Variants in AUTS2 observed in about 807,000 individuals in gnomAD.
AUTS2 encodes the protein autism susceptibility gene 2 protein.
AUTS2 carries 17 observed loss-of-function variants against 112.4 expected under a neutral mutation model. The ratio of observed to expected loss-of-function variants is 0.15; its 90% CI spans 0.10 to 0.23. The LOEUF (loss-of-function observed/expected upper bound fraction) is 0.23. AUTS2 is among the 10% of genes least tolerant of loss of function. The pLI, the probability that AUTS2 is intolerant of heterozygous loss-of-function variation, is 1.00. For synonymous variants in AUTS2, 751 were observed against 702.7 expected (o/e 1.07, Z -1.09); for missense variants, 1,510 against 1,701.6 (o/e 0.89, Z 1.98).
chr7:70,706,411 T>C (rs1290685949), intron 6 of AUTS2, among the ~76,000 whole-genome samples: 1 of 152,062 alleles, frequency 6.6e-6, no homozygotes, highest in African/African-American at 2.4e-5. Flanking sequence ...AGTAAACTCC[T>C]ACAGGGAGGA....
chr7:70,160,355 C>A (rs917853650), intron 4 of AUTS2, among the ~76,000 whole-genome samples: 2 of 152,120 alleles, frequency 1.3e-5, no homozygotes, highest in African/African-American at 4.8e-5. Flanking sequence ...GATCTTCCTC[C>A]AACGTAAATC....
chr7:70,780,829 AT>A (rs1791021715), intron 14 of AUTS2, among the ~76,000 whole-genome samples: 1 of 152,096 alleles, frequency 6.6e-6, no homozygotes, highest in South Asian at 2.1e-4. Flanking sequence ...ATATTTCTTC[AT>A]AACTTTTGGT....
At chr7:70,001,652 G>C (rs1201659196) in intron 2 of AUTS2, among the ~76,000 whole-genome samples, 1 of 151,802 alleles carries the variant, frequency 6.6e-6, no homozygotes, top group Non-Finnish European at 1.5e-5. Flanking sequence ...ATACCTGCCT[G>C]TCTGCAGAGA....
intron 5 of AUTS2, among the ~76,000 whole-genome samples, chr7:70,577,831 A>T (rs200890250): frequency 1.4e-5 from 2 of 147,060 alleles, no homozygotes; most frequent in South Asian, 2.1e-4. Context: ...TTTTTTCTTT[A>T]TTTTTTTTTT....
At chr7:70,541,743 C>G (rs1800561478) in intron 5 of AUTS2, among the ~76,000 whole-genome samples, 2 of 152,094 alleles carry the variant, frequency 1.3e-5, no homozygotes, top group African/African-American at 4.8e-5. Context: ...GGTGACAGCA[C>G]AAAAGAGGGG....
At chr7:70,663,489 G>A (rs1261522579) in intron 5 of AUTS2, among the ~76,000 whole-genome samples, 1 of 152,098 alleles carries the variant, frequency 6.6e-6, no homozygotes, top group Non-Finnish European at 1.5e-5. Context: ...TTGACTTCTC[G>A]TCCATCCGAC....
Position 69,760,419 on chromosome 7 carries a change from T to G in AUTS2, c.310-138867T>G, listed in dbSNP as rs192780507. 3.9e-5 allele frequency among the ~76,000 whole-genome samples: 6 copies of G among 151,908 alleles called. No homozygotes were observed. In the East Asian group the frequency reaches 9.7e-4, roughly 24 times the overall value. On this transcript the variant is annotated intron_variant, in intron 1 of 18. Coordinates refer to ENST00000342771, the MANE Select transcript of AUTS2 (RefSeq NM_015570.4). ...ATAATTCCAGACCACAGAGAAGGAC[T>G]TCTTTAATATATTTAACCTCTTTAT...
chr7:70,702,836 A>G (rs1332277740), intron 6 of AUTS2, among the ~76,000 whole-genome samples: 1 of 152,134 alleles, frequency 6.6e-6, no homozygotes, highest in Non-Finnish European at 1.5e-5. Flanking sequence ...GGGCCCTACC[A>G]GGCCTATTAG....
intron 4 of AUTS2, among the ~76,000 whole-genome samples, chr7:70,412,138 A>G (rs886151848): frequency 4.0e-5 from 6 of 151,514 alleles, no homozygotes; most frequent in Non-Finnish European, 5.9e-5. Context: ...CAAGTGATCC[A>G]CCTGCCTCGG....
chr7:70,791,052 G>A lies in AUTS2; in HGVS notation c.*56G>A, dbSNP rs560883031. Reference sequence around the variant, plus strand: ...GAAACCCTAGGCAGACACCAGGCCAGGCTTGAGAGACAGAACTCCTGCATG... The same window carrying A: ...GAAACCCTAGGCAGACACCAGGCCAAGCTTGAGAGACAGAACTCCTGCATG... On this transcript the variant is annotated 3_prime_UTR_variant, in exon 19 of 19. Coordinates refer to ENST00000342771, the MANE Select transcript of AUTS2 (RefSeq NM_015570.4). 2.2e-4 allele frequency: 319 copies of A among 1,428,726 alleles called. No homozygotes were observed. The highest frequency in any genetic ancestry group is 2.0e-4 in the Non-Finnish European group (221 of 1,095,488). The allele number at this position is 1,428,726 out of a possible 1,614,324, so 88.5% of individuals were successfully genotyped here.
At chr7:70,262,448 T>C (rs189296153) in intron 4 of AUTS2, among the ~76,000 whole-genome samples, 2 of 152,306 alleles carry the variant, frequency 1.3e-5, no homozygotes, top group Admixed American at 1.3e-4. Context: ...CCTCCGCCTT[T>C]TAAAGACCTG....
chr7:69,763,393 A>T (rs1788277831), intron 1 of AUTS2, among the ~76,000 whole-genome samples: 2 of 152,184 alleles, frequency 1.3e-5, no homozygotes, highest in African/African-American at 4.8e-5. Context: ...GTTATAAGTG[A>T]CTAAACTTGT....
At chr7:70,371,714 T>C (rs1165091815) in intron 4 of AUTS2, among the ~76,000 whole-genome samples, 1 of 152,204 alleles carries the variant, frequency 6.6e-6, no homozygotes, top group Non-Finnish European at 1.5e-5. Context: ...CATTGATTAG[T>C]TTATCTATTA....
chr7:70,169,909 G>T (rs990817133), intron 4 of AUTS2, among the ~76,000 whole-genome samples: 1 of 152,032 alleles, frequency 6.6e-6, no homozygotes, highest in Non-Finnish European at 1.5e-5. Context: ...TGTGGTGTGG[G>T]TTCCTTACAA....
chr7:70,551,705 G>T (rs1272875663), intron 5 of AUTS2, among the ~76,000 whole-genome samples: 1 of 152,108 alleles, frequency 6.6e-6, no homozygotes, highest in Non-Finnish European at 1.5e-5. Context: ...AATAAACTAT[G>T]GACTGAAGTT....
intron 4 of AUTS2, among the ~76,000 whole-genome samples, chr7:70,339,109 C>T (rs1044153747): frequency 3.9e-5 from 6 of 151,912 alleles, no homozygotes; most frequent in Non-Finnish European, 7.4e-5. Context: ...GTGATCCGCC[C>T]GCCTCAGCCT....
intron 4 of AUTS2, among the ~76,000 whole-genome samples, chr7:70,164,938 A>G (rs1203808193): frequency 6.6e-6 from 1 of 152,200 alleles, no homozygotes; most frequent in African/African-American, 2.4e-5. Context: ...TGAAATAACT[A>G]TGATTACTGT....
chr7:69,719,688 G>A (rs970001588), intron 1 of AUTS2, among the ~76,000 whole-genome samples: 3 of 152,134 alleles, frequency 2.0e-5, no homozygotes, highest in African/African-American at 4.8e-5. Flanking sequence ...TGTAAGAGAC[G>A]TTGCTTTTAG....
chr7:69,693,989 A>G (rs1797452339), intron 1 of AUTS2, among the ~76,000 whole-genome samples: 1 of 152,176 alleles, frequency 6.6e-6, no homozygotes, highest in Non-Finnish European at 1.5e-5. Context: ...GGGCAGGGAG[A>G]TGGGAGACTA....
Sources: gnomAD v4.1 joint callset for allele counts (sites outside exome capture counted in the v4.1 genomes callset) on GRCh38, gnomAD v4.1.1 for gene constraint, MANE v1.5 for transcripts, NCBI Gene and HGNC (gene_info 2026-07-23, HGNC 2026-07-21) for gene names.